PALM: variants seen among roughly 807,000 people sequenced by gnomAD.
PALM encodes the protein paralemmin.
In PALM, 18 loss-of-function variants were observed where a neutral mutation model predicts 30.7. The observed-to-expected ratio is 0.59, with a 90% CI of 0.41 to 0.87. The LOEUF (loss-of-function observed/expected upper bound fraction) is 0.87, where lower values mean the gene tolerates loss of function less well. Among genes scored for constraint, PALM ranks in the 40% least tolerant of loss-of-function variants. PALM has a pLI of 0.00. For missense variants in PALM, 529 were observed against 555.4 expected, an observed-to-expected ratio of 0.95 and a Z score of 0.48; for synonymous variants, 286 against 242.8, an observed-to-expected ratio of 1.18 and a Z score of -1.66.
chr19:734,138 T>TGAG, intron 5 of PALM, 35 bp from the exon 6 acceptor site: 1 of 1,612,852 alleles, frequency 6.2e-7, no homozygotes, highest in South Asian at 1.1e-5. Flanking sequence ...CCGGGGATGC[T>TGAG]GACGCCCCTG....
chr19:736,303 C>T (rs1430738185), intron 7 of PALM, among the ~76,000 whole-genome samples: 10 of 152,288 alleles, frequency 6.6e-5, no homozygotes, highest in Admixed American at 4.6e-4. Flanking sequence ...CACGCTTCCC[C>T]GAGAAGACGG....
rs1260207656 is a variant in PALM at position 709,899 on chromosome 19, C to T, written c.5+748C>T. ...GGATCCCTGGACCCCCGCATGGCTG[C>T]GCCTGTGTGTGTGGGGGGGGGGTGG... is the stretch of plus-strand genomic sequence containing the variant. On this transcript the variant is annotated intron_variant, in intron 1 of 8. Transcript: ENST00000338448. This position sits in a 1 kb window ranked among gnomAD's most constrained non-coding sequence, Gnocchi z 4.3. 1.5e-5 allele frequency among the ~76,000 whole-genome samples: 2 copies of T among 136,958 alleles called. No individual in the cohort carries two copies. The highest frequency in any genetic ancestry group is 2.2e-4 in the South Asian group (1 of 4,544). The allele number at this position is 136,958 out of a possible 152,430, so 89.8% of individuals were successfully genotyped here.
chr19:726,570 C>T (rs1174711320), intron 2 of PALM, among the ~76,000 whole-genome samples: 2 of 152,238 alleles, frequency 1.3e-5, no homozygotes, highest in South Asian at 2.1e-4. Flanking sequence ...TGTGACCCGA[C>T]CCTCCTGTGA....
At chr19:744,399 C>CA (rs59707820) in intron 8 of PALM, among the ~76,000 whole-genome samples, 15,316 of 126,536 alleles carry the variant, frequency 0.12, 1,336 homozygotes, top group East Asian at 0.41. Context: ...GACTCCATCT[C>CA]AAAAAAAAAA....
intron 1 of PALM, chr19:719,115 G>A: frequency 1.0e-6 from 1 of 985,082 alleles, no homozygotes; most frequent in Non-Finnish European, 1.2e-6. Context: ...TGGGCTCGGC[G>A]CCTGCCCGGG....
intron 3 of PALM, among the ~76,000 whole-genome samples, 190 bp from the exon 4 acceptor site, chr19:727,374 A>C (rs1599149798): frequency 6.8e-6 from 1 of 146,682 alleles, no homozygotes; most frequent in East Asian, 2.0e-4. Flanking sequence ...CCTGACCTTG[A>C]CTCTGACCCA....
chr19:711,187 G>C (rs1479871723), intron 1 of PALM: 7 of 984,420 alleles, frequency 7.1e-6, no homozygotes, highest in Non-Finnish European at 8.4e-6. Context: ...CCACAGGGCC[G>C]ATGCTGCCAA....
intron 8 of PALM, among the ~76,000 whole-genome samples, chr19:741,844 T>C (rs2144923298): frequency 6.6e-6 from 1 of 152,236 alleles, no homozygotes; most frequent in African/African-American, 2.4e-5. Flanking sequence ...TTTCTTTTTC[T>C]TTTTATTTAT....
intron 1 of PALM, among the ~76,000 whole-genome samples, chr19:723,748 G>A (rs1249484506): frequency 1.3e-5 from 2 of 152,012 alleles, no homozygotes; most frequent in African/African-American, 4.8e-5. Context: ...CTGCCATCAC[G>A]CTCGGCTAAT....
intron 7 of PALM, among the ~76,000 whole-genome samples, chr19:738,420 G>C (rs985621769): frequency 6.6e-6 from 1 of 152,096 alleles, no homozygotes; most frequent in Non-Finnish European, 1.5e-5. Flanking sequence ...CAGCTGCTCG[G>C]GAGCCTTAGG....
chr19:720,547 CGGGCCTG>C (rs2032439626), intron 1 of PALM, among the ~76,000 whole-genome samples: 1 of 107,274 alleles, frequency 9.3e-6, no homozygotes, highest in Non-Finnish European at 1.9e-5. Context: ...GAGGGGCGCC[CGGGCCTG>C]GGGAGAGTGA....
chr19:721,948 T>C lies in PALM; in HGVS notation c.6-4190T>C, dbSNP rs181653283. On this transcript the variant is annotated intron_variant, in intron 1 of 8. Coordinates refer to ENST00000338448, the MANE Select transcript of PALM (RefSeq NM_002579.3). ...AATATATATTTTTTGAGACGGAGTC[T>C]CGCTCTGTCGCCCAGGCTGGAGTGC... Among the ~76,000 whole-genome samples the C allele has an allele frequency of 5.3e-3, 795 of 150,216 alleles. 5 individuals are homozygous for C. The highest frequency in any genetic ancestry group is 0.019 in the African/African-American group (755 of 40,692).
chr19:734,122 C>G (rs780543624), intron 5 of PALM, 51 bp from the exon 6 acceptor site: 3 of 1,602,742 alleles, frequency 1.9e-6, no homozygotes, highest in Admixed American at 3.3e-5. Flanking sequence ...GCTCCCCTTC[C>G]TCTTCCCGGG....
At chr19:719,265 C>T (rs2032373702) in intron 1 of PALM, 4 of 985,438 alleles carry the variant, frequency 4.1e-6, no homozygotes, top group Non-Finnish European at 4.8e-6. Context: ...CGTTGCGTAA[C>T]CTCTCTGGGC....
chr19:731,211 A>T lies in PALM; in HGVS notation c.386A>T (p.Glu129Val). Reference protein sequence around the residue: ...RAPAPSPAKEERKTEVVMNSQ... With the variant: ...RAPAPSPAKEVRKTEVVMNSQ... ...CCAGCCCCGAGTCCAGCCAAGGAGG[A>T]GCGCAAGACAGAGGTGGTGATGAAT... The change falls in exon 5 of 9, where the codon GAG becomes GTG. Residue 129 changes from glutamate to valine, a missense_variant. By Grantham distance (121) the Glu-to-Val change is moderately radical (BLOSUM62 -2). Transcript: ENST00000338448. 1.1e-5 allele frequency: 18 copies of T among 1,611,314 alleles called. No homozygotes were observed. The highest frequency in any genetic ancestry group is 1.4e-5 in the Non-Finnish European group (17 of 1,179,302).
intron 1 of PALM, among the ~76,000 whole-genome samples, chr19:712,278 C>T (rs886457614): frequency 6.6e-6 from 1 of 151,694 alleles, no homozygotes; most frequent in Non-Finnish European, 1.5e-5. Context: ...CTGCCTCGGC[C>T]TCCCCAAAGT....
intron 5 of PALM, 104 bp from the exon 6 acceptor site, chr19:734,069 G>A (rs897937704): frequency 9.2e-6 from 9 of 974,528 alleles, no homozygotes; most frequent in South Asian, 4.0e-5. Flanking sequence ...TGCGTATGAC[G>A]TCACCCACTG....
chr19:743,410 G>T (rs1235359166), intron 8 of PALM, among the ~76,000 whole-genome samples: 1 of 152,164 alleles, frequency 6.6e-6, no homozygotes, highest in African/African-American at 2.4e-5. Flanking sequence ...CATGGCAGCC[G>T]AGGGCTCCAA....
Position 719,764 on chromosome 19 carries a change from C to A in PALM, c.6-6374C>A, listed in dbSNP as rs564383469. ...GGGAATGAGACTCCCCCGCGCCTGG[C>A]GGGCCCCGCCCGCAGGAGGATGAAC... is the stretch of plus-strand genomic sequence containing the variant. On this transcript the variant is annotated intron_variant, in intron 1 of 8. Coordinates refer to ENST00000338448, the MANE Select transcript of PALM (RefSeq NM_002579.3). 2.9e-3 allele frequency: 1,255 copies of A among 432,768 alleles called. 17 individuals carry two copies. The highest frequency in any genetic ancestry group is 0.025 in the African/African-American group (1,161 of 46,496). The allele number at this position is 432,768 out of a possible 1,614,324, so 26.8% of individuals were successfully genotyped here. A position where few individuals can be genotyped will look rare whatever the true frequency, so the allele number is the denominator to read the frequency against.
Sources: allele counts gnomAD v4.1 joint callset (sites outside exome capture counted in the v4.1 genomes callset), GRCh38; gene constraint gnomAD v4.1.1; non-coding constraint Gnocchi (gnomAD v3.1); transcripts MANE v1.5; gene names NCBI Gene and HGNC (gene_info 2026-07-23, HGNC 2026-07-21).